CLEC2B: variants seen among roughly 807,000 people sequenced by gnomAD.
The protein encoded by CLEC2B is C-type (calcium dependent, carbohydrate-recognition domain) lectin, superfamily member 2 (activation-induced).
CLEC2B carries 14 observed loss-of-function variants against 16.2 expected under a neutral mutation model. The observed-to-expected ratio is 0.86, with a 90% CI of 0.57 to 1.35. The LOEUF is 1.35. CLEC2B is among the 40% of genes most tolerant of loss of function. The pLI is 0.00. For missense variants in CLEC2B, 166 were observed against 182.3 expected (o/e 0.91, Z 0.52); for synonymous variants, 42 against 55.8 (o/e 0.75, Z 1.10).
chr12:9,868,618 G>A (rs2136983209), intron 1 of CLEC2B, among the ~76,000 whole-genome samples: 1 of 152,016 alleles, frequency 6.6e-6, no homozygotes, highest in Middle Eastern at 3.4e-3. Flanking sequence ...TATATATTCC[G>A]AACTTGCTAT....
intron 3 of CLEC2B, among the ~76,000 whole-genome samples, chr12:9,855,518 A>T (rs1302405628): frequency 2.0e-5 from 3 of 152,084 alleles, no homozygotes; most frequent in Non-Finnish European, 2.9e-5. Context: ...ATTGGAATTT[A>T]CGGAAAAAAA....
chr12:9,858,247 A>G (rs1473472026), intron 2 of CLEC2B, among the ~76,000 whole-genome samples: 4 of 152,018 alleles, frequency 2.6e-5, no homozygotes, highest in African/African-American at 7.2e-5. Context: ...CTTGGCAGCT[A>G]GATATCTTAG....
intron 4 of CLEC2B, 145 bp downstream of exon 4, chr12:9,854,236 T>C (rs1867875653): frequency 7.5e-6 from 4 of 531,314 alleles, no homozygotes; most frequent in Non-Finnish European, 1.3e-5. Flanking sequence ...CCTCCTTACA[T>C]GAATCTCAAT....
At chr12:9,859,324 G>A (rs1867916547) in intron 2 of CLEC2B, among the ~76,000 whole-genome samples, 1 of 151,806 alleles carries the variant, frequency 6.6e-6, no homozygotes, top group African/African-American at 2.4e-5. Flanking sequence ...ATGCCAAATA[G>A]AAGAAAAGTT....
At chr12:9,867,352 T>C (rs1212899681) in intron 1 of CLEC2B, 1 of 152,228 alleles carries the variant, frequency 6.6e-6, no homozygotes, top group African/African-American at 2.4e-5. Context: ...ATTCAACATT[T>C]ATTGCATGTC....
intron 2 of CLEC2B, among the ~76,000 whole-genome samples, chr12:9,858,443 A>G (rs1867910443): frequency 6.6e-6 from 1 of 152,020 alleles, no homozygotes; most frequent in African/African-American, 2.4e-5. Context: ...GTATTTTGGA[A>G]CACACCCAGA....
intron 1 of CLEC2B, among the ~76,000 whole-genome samples, chr12:9,863,083 A>G (rs1290806553): frequency 6.6e-6 from 1 of 152,170 alleles, no homozygotes; most frequent in Non-Finnish European, 1.5e-5. Context: ...GTGGCTGTCG[A>G]GCAGCATCAT....
At chr12:9,866,761 G>A (rs1867972914) in intron 1 of CLEC2B, among the ~76,000 whole-genome samples, 1 of 151,822 alleles carries the variant, frequency 6.6e-6, no homozygotes, top group African/African-American at 2.4e-5. Context: ...TAAATCAATG[G>A]CCTTTTCAAT....
In CLEC2B at chr12:9,855,453, A is replaced by G. The variant is rs772531904; in HGVS notation, c.238-969T>C. Among the ~76,000 whole-genome samples, 19 of 152,268 alleles carry G rather than the reference A, an allele frequency of 1.2e-4. No individual in the cohort carries two copies. In the South Asian group the frequency reaches 1.7e-3, roughly 13 times the overall value. On this transcript the variant is annotated intron_variant, in intron 3 of 4. Coordinates refer to ENST00000228438, the MANE Select transcript of CLEC2B (RefSeq NM_005127.3). ...AGGAAAATAATGTAAACATAATGTT[A>G]GAAAATATTCTACTAGACATGGAAA...
chr12:9,861,968 A>G (rs1867935884), intron 2 of CLEC2B, among the ~76,000 whole-genome samples: 1 of 152,052 alleles, frequency 6.6e-6, no homozygotes, highest in African/African-American at 2.4e-5. Flanking sequence ...ACAAAGCATA[A>G]AATATTTACT....
At chr12:9,855,145 G>A (rs949932452) in intron 3 of CLEC2B, among the ~76,000 whole-genome samples, 5 of 151,926 alleles carry the variant, frequency 3.3e-5, no homozygotes, top group African/African-American at 1.2e-4. Context: ...AAGTCCTTGA[G>A]GCTACTCTGC....
chr12:9,860,863 T>C (rs1867927789), intron 2 of CLEC2B, among the ~76,000 whole-genome samples: 1 of 151,872 alleles, frequency 6.6e-6, no homozygotes, highest in Non-Finnish European at 1.5e-5. Context: ...AGGGAAAGTA[T>C]AGTCTTTTTA....
intron 1 of CLEC2B, among the ~76,000 whole-genome samples, chr12:9,866,463 A>AT (rs35108149): frequency 1.3e-5 from 2 of 151,230 alleles, no homozygotes; most frequent in African/African-American, 2.4e-5. Context: ...TACCACTTCT[A>AT]TTTTTTTTTA....
At chr12:9,858,218 T>C (rs1867908620) in intron 2 of CLEC2B, among the ~76,000 whole-genome samples, 1 of 152,024 alleles carries the variant, frequency 6.6e-6, no homozygotes, top group Admixed American at 6.6e-5. Context: ...GGTCTTTCCA[T>C]GTGTTCCCCT....
chr12:9,857,743 A>G, intron 2 of CLEC2B, 106 bp from the exon 3 acceptor site: 2 of 882,030 alleles, frequency 2.3e-6, no homozygotes, highest in Non-Finnish European at 3.5e-6. Flanking sequence ...TATGGTCACT[A>G]TGAAAGTTGT....
At chr12:9,867,528 A>G (rs7959482) in intron 1 of CLEC2B, among the ~76,000 whole-genome samples, 64,217 of 151,878 alleles carry the variant, frequency 0.42, 13,842 homozygotes, top group Non-Finnish European at 0.48. Flanking sequence ...CTTATTTAGG[A>G]GGCTGTAATT....
intron 2 of CLEC2B, among the ~76,000 whole-genome samples, chr12:9,858,296 C>T (rs775228624): frequency 6.6e-6 from 1 of 152,048 alleles, no homozygotes; most frequent in African/African-American, 2.4e-5. Context: ...GTGCATTATG[C>T]CAATATTATT....
At position 9,859,310 on chromosome 12, in the gene CLEC2B, A is replaced by C. The variant is rs190969157; in HGVS notation, c.74-1673T>G. ...AGAACAGAAATCAATTGAATAAAAA[A>C]TTAATGCCAAATAGAAGAAAAGTTT... On this transcript the variant is annotated intron_variant, in intron 2 of 4. Coordinates refer to ENST00000228438, the MANE Select transcript of CLEC2B (RefSeq NM_005127.3). Among the ~76,000 whole-genome samples the C allele has an allele frequency of 2.9e-3, 437 of 152,130 alleles. 1 individual carries two copies. The highest frequency in any genetic ancestry group is 0.01 in the African/African-American group (421 of 41,564).
intron 2 of CLEC2B, among the ~76,000 whole-genome samples, chr12:9,859,009 A>T (rs1263607561): frequency 6.6e-6 from 1 of 151,998 alleles, no homozygotes; most frequent in African/African-American, 2.4e-5. Context: ...CTGTTATATG[A>T]TATACAAATT....
Sources: gnomAD v4.1 joint callset for allele counts (sites outside exome capture counted in the v4.1 genomes callset) on GRCh38, gnomAD v4.1.1 for gene constraint, MANE v1.5 for transcripts, NCBI Gene and HGNC (gene_info 2026-07-23, HGNC 2026-07-21) for gene names.